Variants in PTPN21 observed in about 807,000 individuals in gnomAD.
PTPN21 encodes tyrosine-protein phosphatase non-receptor type 21.
A neutral mutation model predicts 131.8 loss-of-function variants in PTPN21; 77 were observed. The ratio of observed to expected loss-of-function variants is 0.58; its 90% CI spans 0.49 to 0.71. The LOEUF (loss-of-function observed/expected upper bound fraction) is 0.71, where lower values mean the gene tolerates loss of function less well. Among genes scored for constraint, PTPN21 ranks in the 30% least tolerant of loss-of-function variants. The pLI, the probability that PTPN21 is intolerant of heterozygous loss-of-function variation, is 0.00. For synonymous variants in PTPN21, 715 were observed against 621.3 expected (o/e 1.15, Z -2.24); for missense variants, 1,552 against 1,527.1 (o/e 1.02, Z -0.27).
At chr14:88,515,590 C>T (rs1371259189) in intron 3 of PTPN21, 1 of 152,112 alleles carries the variant, frequency 6.6e-6, no homozygotes, top group Non-Finnish European at 1.5e-5. Flanking sequence ...TTTGATTATT[C>T]CCCCTGCTTT....
intron 2 of PTPN21, among the ~76,000 whole-genome samples, chr14:88,522,482 T>G (rs960269583): frequency 6.6e-6 from 1 of 150,890 alleles, no homozygotes; most frequent in Non-Finnish European, 1.5e-5. Context: ...TCTTTGTTGG[T>G]TAGCTCTTTT....
At chr14:88,487,365 G>A (rs2077753708) in intron 10 of PTPN21, among the ~76,000 whole-genome samples, 1 of 151,980 alleles carries the variant, frequency 6.6e-6, no homozygotes, top group Non-Finnish European at 1.5e-5. Flanking sequence ...GTGTTCTAAG[G>A]ACTAATTACT....
In PTPN21 at chr14:88,467,336, A is replaced by G. The variant is rs2077380349; in HGVS notation, c.*801T>C. On this transcript the variant is annotated 3_prime_UTR_variant, in exon 19 of 19. Coordinates refer to ENST00000556564, the MANE Select transcript of PTPN21 (RefSeq NM_007039.4). Reference sequence around the variant, plus strand: ...TTTTCACTTCATTTTCAACCAATAAAATCAAATTCATTTAGATCTATGAAT... The same window carrying G: ...TTTTCACTTCATTTTCAACCAATAAGATCAAATTCATTTAGATCTATGAAT... The G allele has an allele frequency of 6.6e-6, 1 of 152,212 alleles. No homozygotes were observed. The highest frequency in any genetic ancestry group is 1.5e-5 in the Non-Finnish European group (1 of 68,034). 9.4% of individuals were successfully genotyped at this position (152,212 alleles called of 1,614,324 possible).
intron 4 of PTPN21, among the ~76,000 whole-genome samples, chr14:88,506,362 C>A (rs1166906236): frequency 6.6e-6 from 1 of 151,884 alleles, no homozygotes; most frequent in South Asian, 2.1e-4. Flanking sequence ...TACACACATA[C>A]ATGTAAATAC....
chr14:88,473,879 G>T, intron 13 of PTPN21, 77 bp from the exon 14 acceptor site: 1 of 1,310,330 alleles, frequency 7.6e-7, no homozygotes, highest in Non-Finnish European at 1.1e-6. Context: ...ATGCACTGAA[G>T]ACCAGGAACA....
chr14:88,491,856 AT>A (rs1165848400), intron 10 of PTPN21, among the ~76,000 whole-genome samples: 1 of 152,192 alleles, frequency 6.6e-6, no homozygotes, highest in Non-Finnish European at 1.5e-5. Flanking sequence ...GGTGTTCCTT[AT>A]TTAGGTATAG....
intron 13 of PTPN21, among the ~76,000 whole-genome samples, chr14:88,478,190 G>A (rs1345419872): frequency 6.6e-6 from 1 of 152,208 alleles, no homozygotes; most frequent in Non-Finnish European, 1.5e-5. Context: ...AGCTAGAGAT[G>A]ATGCTACTAT....
In PTPN21 at chr14:88,479,598, C is replaced by T; in HGVS notation, c.1833G>A (p.Leu611=). The T allele has an allele frequency of 1.3e-6, 2 of 1,587,558 alleles. No individual in the cohort carries two copies. The highest frequency in any genetic ancestry group is 1.7e-4 in the Middle Eastern group (1 of 5,976). Residue 611 remains leucine (L), a synonymous_variant, in exon 13 of 19, where the codon CTG becomes CTA. Transcript: ENST00000556564. The part of the protein sequence containing the change: ...HSVQTFQEDS[L]PVAHSLQEVS... ...CCTCCTGCAGCGAGTGCGCCACGGG[C>T]AGGCTGTCCTCCTGGAACGTTTGCA...
chr14:88,473,940 T>G (rs2077509001), intron 13 of PTPN21, 138 bp from the exon 14 acceptor site: 1 of 648,004 alleles, frequency 1.5e-6, no homozygotes, highest in Non-Finnish European at 2.6e-6. Context: ...ATTACACTCC[T>G]TCACACACCA....
chr14:88,554,605 G>A (rs1025418286), intron 1 of PTPN21, 46 bp downstream of exon 1: 1 of 149,450 alleles, frequency 6.7e-6, no homozygotes, highest in Admixed American at 6.6e-5. Flanking sequence ...CCCACCGCTC[G>A]GGCCAGCCGC....
In PTPN21 at chr14:88,550,270, C is replaced by A. The variant is rs1164941668; in HGVS notation, c.148G>T (p.Glu50Ter). The change falls in exon 2 of 19, where the codon GAG (glutamate) becomes TAG (stop). Residue 50 changes from glutamate to a stop codon, truncating the protein, a stop_gained. Coordinates refer to ENST00000556564, the MANE Select transcript of PTPN21 (RefSeq NM_007039.4). LOFTEE classifies it high-confidence loss of function. ...SVESTGQESL[E>*]AVAQRLELRE... ...AGCTCCAGCCTCTGGGCCACGGCCT[C>A]GAGGCTTTCCTGGCCAGTGCTCTCC... The A allele has an allele frequency of 1.2e-6, 2 of 1,614,090 alleles. No homozygotes were observed. Among genetic ancestry groups the A allele is most frequent in the African/African-American group, 1.3e-5 (1 of 75,052 alleles).
intron 2 of PTPN21, among the ~76,000 whole-genome samples, chr14:88,522,003 G>A (rs1038135980): frequency 6.6e-6 from 1 of 152,140 alleles, no homozygotes; most frequent in Non-Finnish European, 1.5e-5. Flanking sequence ...CATGCAACAT[G>A]AATTAGAAAA....
chr14:88,484,398 A>G (rs2077702463), intron 12 of PTPN21, among the ~76,000 whole-genome samples: 1 of 152,150 alleles, frequency 6.6e-6, no homozygotes, highest in Admixed American at 6.5e-5. Flanking sequence ...GGTTTGTTAT[A>G]AATACAATTC....
At position 88,480,316 on chromosome 14, in the gene PTPN21, C is replaced by CAGT; in HGVS notation, c.1112_1114dup (p.Tyr371dup). The CAGT allele has an allele frequency of 6.2e-7, 1 of 1,614,004 alleles. No homozygotes were observed. The highest frequency in any genetic ancestry group is 8.5e-7 in the Non-Finnish European group (1 of 1,179,932). On this transcript the variant is annotated inframe_insertion, in exon 13 of 19. Transcript: ENST00000556564. ...TCTATCCAAGCTTGTCTGAGAGTGA[C>CAGT]AGTAGTATCCGTTCTGGTTGGGCAC...
rs1473836731 is a variant in PTPN21 at position 88,479,400 on chromosome 14, A to G, written c.2031T>C (p.Val677=). The change falls in exon 13 of 19, where the codon GTT becomes GTC. Residue 677 remains valine, a synonymous_variant. Transcript: ENST00000556564. ...RAVSVGSQPS[V]FTERTQREGP... ...CTTCTCGCTGTGTCCTCTCGGTGAA[A>G]ACGCTGGGCTGGGAGCCCACCGAGA... The G allele has an allele frequency of 1.2e-6, 2 of 1,602,536 alleles. No homozygotes were observed.
chr14:88,522,855 T>G (rs1162641909), intron 2 of PTPN21, among the ~76,000 whole-genome samples: 1 of 152,084 alleles, frequency 6.6e-6, no homozygotes. Context: ...ATGACTACAA[T>G]ATCATCTGTT....
intron 14 of PTPN21, 29 bp from the exon 15 acceptor site, chr14:88,472,494 G>T: frequency 7.1e-7 from 1 of 1,400,834 alleles, no homozygotes; most frequent in South Asian, 1.2e-5. Flanking sequence ...GTAATAACAT[G>T]AATACAGCCA....
intron 10 of PTPN21, among the ~76,000 whole-genome samples, chr14:88,493,628 T>C (rs879867761): frequency 6.6e-6 from 1 of 152,212 alleles, no homozygotes; most frequent in Non-Finnish European, 1.5e-5. Flanking sequence ...TCCAGAAGAC[T>C]GACTGCATAC....
intron 6 of PTPN21, among the ~76,000 whole-genome samples, chr14:88,503,347 C>T (rs77916371): frequency 0.043 from 6,593 of 152,198 alleles, 245 homozygotes; most frequent in Non-Finnish European, 0.062. Flanking sequence ...ATAACAAAAT[C>T]TTTTTGAGCT....
Sources: allele counts gnomAD v4.1 joint callset (sites outside exome capture counted in the v4.1 genomes callset), GRCh38; gene constraint gnomAD v4.1.1; transcripts MANE v1.5; gene names NCBI Gene and HGNC (gene_info 2026-07-23, HGNC 2026-07-21).